The following SPIDR variants were observed in gnomAD, a reference collection of about 807,000 sequenced individuals.
SPIDR encodes DNA repair-scaffolding protein.
A neutral mutation model predicts 104.6 loss-of-function variants in SPIDR; 93 were observed. That is an observed-to-expected ratio of 0.89 (90% CI 0.75 to 1.06). The LOEUF is 1.06. Among genes scored for constraint, SPIDR ranks in the 50% least tolerant of loss-of-function variants. The pLI, the probability that SPIDR is intolerant of heterozygous loss-of-function variation, is 0.00. For synonymous variants in SPIDR, 431 were observed against 416.9 expected, an observed-to-expected ratio of 1.03 and a Z score of -0.41; for missense variants, 1,154 against 1,111.2, an observed-to-expected ratio of 1.04 and a Z score of -0.55.
intron 10 of SPIDR, among the ~76,000 whole-genome samples, chr8:47,642,190 G>C (rs535303975): frequency 6.6e-6 from 1 of 152,104 alleles, no homozygotes; most frequent in African/African-American, 2.4e-5. Context: ...TTGGGAGGCC[G>C]AGGCAGGCGG....
chr8:47,437,620 C>CA (rs1343135203), intron 7 of SPIDR, among the ~76,000 whole-genome samples: 1 of 151,594 alleles, frequency 6.6e-6, no homozygotes, highest in African/African-American at 2.4e-5. Context: ...TTTATGCAGC[C>CA]AAAAAACACA....
intron 16 of SPIDR, among the ~76,000 whole-genome samples, chr8:47,716,479 A>C (rs2082606196): frequency 6.6e-6 from 1 of 152,128 alleles, no homozygotes; most frequent in Non-Finnish European, 1.5e-5. Context: ...ACATTACTGC[A>C]GTTATGGGGT....
At chr8:47,355,510 C>G (rs1465668182) in intron 5 of SPIDR, among the ~76,000 whole-genome samples, 1 of 152,032 alleles carries the variant, frequency 6.6e-6, no homozygotes, top group Non-Finnish European at 1.5e-5. Context: ...GCATTTATGT[C>G]TGGGAACCTA....
intron 8 of SPIDR, among the ~76,000 whole-genome samples, chr8:47,492,711 G>A (rs1014540958): frequency 4.6e-5 from 7 of 152,208 alleles, no homozygotes; most frequent in Non-Finnish European, 1.5e-5. Flanking sequence ...AATTTAGGAA[G>A]CATACGTCTG....
At chr8:47,362,140 G>A (rs1554630541) in intron 5 of SPIDR, among the ~76,000 whole-genome samples, 2 of 152,236 alleles carry the variant, frequency 1.3e-5, no homozygotes, top group African/African-American at 4.8e-5. Flanking sequence ...GCATGCAAGT[G>A]TGGTACACTC....
At chr8:47,422,753 C>G (rs575168220) in intron 7 of SPIDR, among the ~76,000 whole-genome samples, 1 of 152,326 alleles carries the variant, frequency 6.6e-6, no homozygotes, top group South Asian at 2.1e-4. Flanking sequence ...CTTGGCTCCA[C>G]CCCTCTGCAG....
chr8:47,567,968 T>C (rs915752791), intron 8 of SPIDR, among the ~76,000 whole-genome samples: 2 of 151,730 alleles, frequency 1.3e-5, no homozygotes, highest in Admixed American at 1.3e-4. Context: ...ATAATTTTTA[T>C]GTAGAGATGG....
intron 14 of SPIDR, among the ~76,000 whole-genome samples, chr8:47,711,314 A>G (rs1157745130): frequency 1.3e-5 from 2 of 151,938 alleles, no homozygotes; most frequent in Non-Finnish European, 2.9e-5. Context: ...TTTAATGGAG[A>G]ATGGCTTTTT....
intron 8 of SPIDR, among the ~76,000 whole-genome samples, chr8:47,519,130 T>C (rs1456688736): frequency 6.6e-6 from 1 of 151,430 alleles, no homozygotes; most frequent in African/African-American, 2.4e-5. Flanking sequence ...TGTTTTGTTG[T>C]TGTTGTTGTT....
chr8:47,594,751 C>A (rs1405725651), intron 8 of SPIDR, among the ~76,000 whole-genome samples: 1 of 151,692 alleles, frequency 6.6e-6, no homozygotes, highest in Non-Finnish European at 1.5e-5. Context: ...CCTAGCACTT[C>A]GGGAGGCCAA....
At chr8:47,720,713 G>T (rs951327554) in intron 16 of SPIDR, among the ~76,000 whole-genome samples, 8 of 151,612 alleles carry the variant, frequency 5.3e-5, no homozygotes, top group African/African-American at 1.5e-4. Flanking sequence ...GATCAGATGT[G>T]TCTTTTGCAA....
At chr8:47,489,987 C>T (rs1454321255) in intron 8 of SPIDR, among the ~76,000 whole-genome samples, 2 of 152,134 alleles carry the variant, frequency 1.3e-5, no homozygotes, top group African/African-American at 4.8e-5. Context: ...GCAACAAAAG[C>T]CAAAATTGAC....
At chr8:47,669,631 C>A (rs1349705747) in intron 10 of SPIDR, among the ~76,000 whole-genome samples, 1 of 152,180 alleles carries the variant, frequency 6.6e-6, no homozygotes, top group Non-Finnish European at 1.5e-5. Context: ...CCCTTCTCAA[C>A]ACAATCAAAA....
chr8:47,320,987 T>C (rs2046448404), intron 5 of SPIDR, among the ~76,000 whole-genome samples: 1 of 151,816 alleles, frequency 6.6e-6, no homozygotes, highest in South Asian at 2.1e-4. Flanking sequence ...CCACAGCCAA[T>C]ATCATAATGG....
At chr8:47,534,800 T>A (rs990939900) in intron 8 of SPIDR, among the ~76,000 whole-genome samples, 2 of 151,020 alleles carry the variant, frequency 1.3e-5, no homozygotes, top group Non-Finnish European at 3.0e-5. Flanking sequence ...AAAAGAAAAA[T>A]TAGGCAGAAA....
At chr8:47,614,775 A>G (rs1308297441) in intron 10 of SPIDR, among the ~76,000 whole-genome samples, 2 of 152,196 alleles carry the variant, frequency 1.3e-5, no homozygotes, top group Non-Finnish European at 2.9e-5. Context: ...GAATCACCAC[A>G]CTGTCTTCCA....
At chr8:47,388,810 A>T (rs1554649776) in intron 5 of SPIDR, among the ~76,000 whole-genome samples, 1 of 152,256 alleles carries the variant, frequency 6.6e-6, no homozygotes, top group African/African-American at 2.4e-5. Flanking sequence ...ACAGATGTGT[A>T]CTACAGCAGT....
chr8:47,552,803 T>G (rs1349476975), intron 8 of SPIDR, among the ~76,000 whole-genome samples: 1 of 152,192 alleles, frequency 6.6e-6, no homozygotes, highest in Non-Finnish European at 1.5e-5. Flanking sequence ...TGCTGTCATT[T>G]TGATGTTAGC....
chr8:47,575,177 A>G (rs895428380), intron 8 of SPIDR, among the ~76,000 whole-genome samples: 24 of 152,098 alleles, frequency 1.6e-4, no homozygotes, highest in African/African-American at 5.6e-4. Context: ...GGGAATTGCC[A>G]CTTCATCTTT....
Sources: allele counts gnomAD v4.1 joint callset (sites outside exome capture counted in the v4.1 genomes callset), GRCh38; gene constraint gnomAD v4.1.1; transcripts MANE v1.5; gene names NCBI Gene and HGNC (gene_info 2026-07-23, HGNC 2026-07-21).